OPRM1: variants seen among roughly 807,000 people sequenced by gnomAD.
OPRM1 encodes the protein mu-type opioid receptor.
A neutral mutation model predicts 31.8 loss-of-function variants in OPRM1; 27 were observed. That is an observed-to-expected ratio of 0.85 (90% CI 0.63 to 1.17). OPRM1 has a LOEUF of 1.17. OPRM1 is among the 50% of genes most tolerant of loss of function. The probability of loss-of-function intolerance (pLI) is 0.00; values close to 1 mark genes in which losing one functional copy is unlikely to be tolerated. For synonymous variants in OPRM1, 196 were observed against 189.9 expected, an observed-to-expected ratio of 1.03 and a Z score of -0.26; for missense variants, 536 against 511.1, an observed-to-expected ratio of 1.05 and a Z score of -0.47.
chr6:154,099,225 C>A (rs1793930580), intron 3 of OPRM1, among the ~76,000 whole-genome samples: 1 of 149,962 alleles, frequency 6.7e-6, no homozygotes, highest in Non-Finnish European at 1.5e-5. Flanking sequence ...GTTGAGGCTG[C>A]AATGAGCAGT....
rs747420990 is a variant in OPRM1, at chr6:154,159,810, G to A, written c.1164+68338G>A. On this transcript the variant is annotated intron_variant, in intron 3 of 3. Coordinates refer to the OPRM1 transcript ENST00000337049. Reference sequence around the variant, plus strand: ...TTGCTTGTGATAAAATATAAGAGGAGAAAACCCTGACTTTGTCTCAAATGG... The same window carrying A: ...TTGCTTGTGATAAAATATAAGAGGAAAAAACCCTGACTTTGTCTCAAATGG... The A allele has an allele frequency of 3.1e-6, 5 of 1,587,826 alleles. No homozygotes were observed. In the East Asian group the frequency reaches 1.1e-4, roughly 36 times the overall value.
At chr6:154,221,920 C>A (rs961339511) in intron 3 of OPRM1, among the ~76,000 whole-genome samples, 10 of 152,148 alleles carry the variant, frequency 6.6e-5, no homozygotes, top group Admixed American at 5.2e-4. Flanking sequence ...GGTATATCCT[C>A]TTCCTTTCAC....
rs1562515889 is a variant in OPRM1, at chr6:154,159,881, G to T, written c.1164+68409G>T. 3 of 1,613,198 alleles carry T rather than the reference G, an allele frequency of 1.9e-6. No individual in the cohort carries two copies. In the South Asian group the frequency reaches 3.3e-5, roughly 18 times the overall value. On this transcript the variant is annotated intron_variant, in intron 3 of 3. Transcript: ENST00000337049. ...GAAGGTGATTTCTTGAGTTCCTGGG[G>T]GGTGTCATCAGTGTCATCAGGGGCA...
intron 3 of OPRM1, among the ~76,000 whole-genome samples, chr6:154,145,271 C>CA (rs375289333): frequency 8.6e-5 from 13 of 151,978 alleles, no homozygotes; most frequent in African/African-American, 3.1e-4. Context: ...AAGAAAAAAA[C>CA]AAAAAACCCT....
At chr6:154,010,945 A>G (rs1391139114) in exon 1 of OPRM1, 1 of 1,299,042 alleles carries the variant, frequency 7.7e-7, no homozygotes, top group East Asian at 5.3e-5. Context: ...CCTGGAGCAC[A>G]GAACTCTGAT....
chr6:154,210,472 T>G (rs966044637), intron 3 of OPRM1, among the ~76,000 whole-genome samples: 2 of 151,974 alleles, frequency 1.3e-5, no homozygotes, highest in Non-Finnish European at 2.9e-5. Context: ...AAATACATAA[T>G]CCTCTCTTAA....
At chr6:154,039,888 AAAGAGACACCTAACTCCC>A in intron 1 of OPRM1, 54 bp downstream of exon 1, 1 of 1,472,052 alleles carries the variant, frequency 6.8e-7, no homozygotes, top group Non-Finnish European at 9.1e-7. Flanking sequence ...AAGGGGGTAC[AAAGAGACACCTAACTCCC>A]AAGGCTCAAT....
intron 1 of OPRM1, among the ~76,000 whole-genome samples, chr6:154,054,867 C>T (rs2128421976): frequency 6.6e-6 from 1 of 152,298 alleles, no homozygotes; most frequent in East Asian, 1.9e-4. Context: ...ATATACACAC[C>T]TAACACCTAC....
chr6:154,072,905 C>A (rs765056049), intron 1 of OPRM1, among the ~76,000 whole-genome samples: 7 of 152,126 alleles, frequency 4.6e-5, no homozygotes, highest in Non-Finnish European at 8.8e-5. Context: ...GATACCAGCC[C>A]CTTTAAAATT....
At position 154,084,917 on chromosome 6, in the gene OPRM1, A is replaced by AACACACAC. The variant is rs71669485; in HGVS notation, c.291-4881_291-4874dup. 7.0e-3 allele frequency among the ~76,000 whole-genome samples: 1,027 copies of AACACACAC among 146,484 alleles called. 11 individuals are homozygous for AACACACAC. The highest frequency in any genetic ancestry group is 0.025 in the African/African-American group (982 of 39,968). On this transcript the variant is annotated intron_variant, in intron 1 of 3. Coordinates refer to ENST00000330432, the MANE Select transcript of OPRM1 (RefSeq NM_000914.5). The stretch of plus-strand genomic sequence containing the variant: ...ATATGAAGGCCATGATGTGGAATTA[A>AACACACAC]ACACACACACACACACACACACACA...
At chr6:154,062,988 T>C (rs1406440309) in intron 1 of OPRM1, among the ~76,000 whole-genome samples, 1 of 152,034 alleles carries the variant, frequency 6.6e-6, no homozygotes, top group African/African-American at 2.4e-5. Flanking sequence ...TCCTGACATA[T>C]AATTCTTTCT....
At chr6:154,083,454 A>G (rs1390288429) in intron 1 of OPRM1, 1 of 152,274 alleles carries the variant, frequency 6.6e-6, no homozygotes, top group Non-Finnish European at 1.5e-5. Flanking sequence ...AAATAAAAAT[A>G]CAATTAGTTA....
At chr6:154,075,068 G>C (rs1331242395) in intron 1 of OPRM1, among the ~76,000 whole-genome samples, 1 of 152,088 alleles carries the variant, frequency 6.6e-6, no homozygotes, top group Non-Finnish European at 1.5e-5. Flanking sequence ...ACATACAAAA[G>C]AGATAAGATT....
At chr6:154,224,740 T>C (rs1424637818) in intron 3 of OPRM1, among the ~76,000 whole-genome samples, 1 of 151,830 alleles carries the variant, frequency 6.6e-6, no homozygotes, top group Non-Finnish European at 1.5e-5. Context: ...AAAAAAGAGA[T>C]TCAAAACTCA....
At chr6:154,215,388 G>T (rs790254) in intron 3 of OPRM1, among the ~76,000 whole-genome samples, 82,940 of 151,856 alleles carry the variant, frequency 0.55, 23,107 homozygotes, top group South Asian at 0.76. Flanking sequence ...TGGATCACCT[G>T]AGGTCAGAAG....
At chr6:154,091,531 T>C (rs1396271426) in intron 3 of OPRM1, 59 bp downstream of exon 3, 1 of 1,536,968 alleles carries the variant, frequency 6.5e-7, no homozygotes, top group Non-Finnish European at 8.7e-7. Flanking sequence ...TTATAAGGCT[T>C]TGTGCTAAAC....
chr6:154,160,400 A>G (rs1373576593), intron 3 of OPRM1, among the ~76,000 whole-genome samples: 1 of 152,204 alleles, frequency 6.6e-6, no homozygotes, highest in Non-Finnish European at 1.5e-5. Flanking sequence ...CATTTTATTG[A>G]CAATCCAAAC....
intron 1 of OPRM1, among the ~76,000 whole-genome samples, chr6:154,056,211 C>A (rs1583269897): frequency 6.6e-6 from 1 of 152,174 alleles, no homozygotes; most frequent in African/African-American, 2.4e-5. Context: ...GCAACCTCCG[C>A]CTCCCAGGTT....
chr6:154,196,274 G>C (rs1461177437), intron 3 of OPRM1, among the ~76,000 whole-genome samples: 1 of 152,144 alleles, frequency 6.6e-6, no homozygotes, highest in African/African-American at 2.4e-5. Context: ...AACTCTCAAA[G>C]TAGCTAGCTA....
Sources: gnomAD v4.1 joint callset for allele counts (sites outside exome capture counted in the v4.1 genomes callset) on GRCh38, gnomAD v4.1.1 for gene constraint, MANE v1.5 for transcripts, NCBI Gene and HGNC (gene_info 2026-07-23, HGNC 2026-07-21) for gene names.